Variants in SAMD4A observed in about 807,000 individuals in gnomAD.
SAMD4A encodes protein Smaug homolog 1.
A neutral mutation model predicts 81.3 loss-of-function variants in SAMD4A; 33 were observed. The ratio of observed to expected loss-of-function variants is 0.41; its 90% CI spans 0.31 to 0.54. The LOEUF (loss-of-function observed/expected upper bound fraction) is 0.54, where lower values mean the gene tolerates loss of function less well. Among genes scored for constraint, SAMD4A ranks in the 20% least tolerant of loss-of-function variants. SAMD4A has a pLI of 0.37. For missense variants in SAMD4A, 854 were observed against 951.1 expected, an observed-to-expected ratio of 0.90 and a Z score of 1.34; for synonymous variants, 389 against 382.1, an observed-to-expected ratio of 1.02 and a Z score of -0.21.
At chr14:54,649,596 C>T (rs921543201) in intron 2 of SAMD4A, among the ~76,000 whole-genome samples, 5 of 152,138 alleles carry the variant, frequency 3.3e-5, no homozygotes, top group Non-Finnish European at 7.3e-5. Context: ...ATGACTTTGT[C>T]GTGTCGCAAG....
At chr14:54,635,606 G>A (rs1446169830) in intron 2 of SAMD4A, among the ~76,000 whole-genome samples, 1 of 147,458 alleles carries the variant, frequency 6.8e-6, no homozygotes, top group Admixed American at 6.6e-5. Context: ...AAATTAGCTG[G>A]GTGTGGTGGC....
At chr14:54,647,591 GAATA>G (rs2035313483) in intron 2 of SAMD4A, among the ~76,000 whole-genome samples, 2 of 152,234 alleles carry the variant, frequency 1.3e-5, no homozygotes, top group South Asian at 4.1e-4. Context: ...CAGCTGAGCA[GAATA>G]AATATTTACT....
intron 3 of SAMD4A, among the ~76,000 whole-genome samples, chr14:54,716,236 A>T (rs2037114746): frequency 6.6e-6 from 1 of 152,152 alleles, no homozygotes; most frequent in Admixed American, 6.5e-5. Flanking sequence ...AAAAACAAAC[A>T]ACTTTTGCTA....
chr14:54,788,905 T>C lies in SAMD4A; in HGVS notation c.2129-11T>C. 6.2e-7 allele frequency: 1 copy of C among 1,614,194 alleles called. No homozygotes were observed. The highest frequency in any genetic ancestry group is 1.6e-4 in the Middle Eastern group (1 of 6,062). ...TCACCTGTGCCCATCGTTTGCTGCT[T>C]TCTCTCCCAGACGGGGTTGACCGGA... On this transcript the variant is annotated splice_polypyrimidine_tract_variant and intron_variant, in intron 12 of 12. Transcript: ENST00000554335.
intron 2 of SAMD4A, among the ~76,000 whole-genome samples, chr14:54,684,235 A>C (rs1325510401): frequency 6.6e-6 from 1 of 152,190 alleles, no homozygotes. Flanking sequence ...ATAAATATTT[A>C]CCGAGTTAGT....
At chr14:54,632,637 G>A (rs2034929681) in intron 2 of SAMD4A, among the ~76,000 whole-genome samples, 1 of 152,028 alleles carries the variant, frequency 6.6e-6, no homozygotes, top group African/African-American at 2.4e-5. Flanking sequence ...TGTATATAAT[G>A]CATCATTCCT....
intron 2 of SAMD4A, among the ~76,000 whole-genome samples, chr14:54,607,457 AT>A (rs541264095): frequency 0.023 from 3,146 of 138,276 alleles, 68 homozygotes; most frequent in African/African-American, 0.065. Flanking sequence ...TCAAGGTCTC[AT>A]TTTTTTTTTT....
rs142532488 is a variant in SAMD4A, at chr14:54,688,123, C to G, written c.197-13939C>G. 5.2e-4 allele frequency: 510 copies of G among 985,540 alleles called. 1 individual carries two copies. In the African/African-American group the frequency reaches 8.3e-3, roughly 16 times the overall value. 61.0% of individuals were successfully genotyped at this position (985,540 alleles called of 1,614,324 possible). A position where few individuals can be genotyped will look rare whatever the true frequency, so the allele number is the denominator to read the frequency against. ...TAACACCTGGTTCAACTGTAATGTG[C>G]TCAGCTCCGTATAACCTGGACAGCA... is the stretch of plus-strand genomic sequence containing the variant. On this transcript the variant is annotated intron_variant, in intron 2 of 12. Coordinates refer to ENST00000554335, the MANE Select transcript of SAMD4A (RefSeq NM_015589.6).
intron 3 of SAMD4A, among the ~76,000 whole-genome samples, chr14:54,708,692 G>A (rs567033283): frequency 2.0e-5 from 3 of 152,184 alleles, no homozygotes; most frequent in East Asian, 1.9e-4. Flanking sequence ...CAAAGCACAT[G>A]AAGAAAATGT....
intron 2 of SAMD4A, among the ~76,000 whole-genome samples, chr14:54,635,718 A>G (rs1486048487): frequency 6.6e-6 from 1 of 151,814 alleles, no homozygotes; most frequent in African/African-American, 2.4e-5. Context: ...ACTGCACTCC[A>G]GCGACAGAGC....
At chr14:54,576,202 C>T (rs775149989) in intron 2 of SAMD4A, among the ~76,000 whole-genome samples, 4 of 151,932 alleles carry the variant, frequency 2.6e-5, no homozygotes, top group Non-Finnish European at 2.9e-5. Flanking sequence ...AGAATCCAAG[C>T]GTCTGTGTGT....
intron 2 of SAMD4A, among the ~76,000 whole-genome samples, chr14:54,646,329 C>T (rs2035286061): frequency 6.6e-6 from 1 of 152,184 alleles, no homozygotes; most frequent in South Asian, 2.1e-4. Context: ...GTGGAAGCTG[C>T]CCCCAAACAG....
chr14:54,660,032 G>T (rs933579955), intron 2 of SAMD4A, among the ~76,000 whole-genome samples: 1 of 151,610 alleles, frequency 6.6e-6, no homozygotes, highest in Non-Finnish European at 1.5e-5. Flanking sequence ...AGTGAGCCGA[G>T]ATCGCCCCAC....
Position 54,576,001 on chromosome 14 carries a change from C to CTTTTTTTTTTTTTTTTTTT in SAMD4A, c.196+7908_196+7926dup, listed in dbSNP as rs57819180. On this transcript the variant is annotated intron_variant, in intron 2 of 12. Transcript: ENST00000554335. ...CCAGGAAAGATTTCTTTCTTTCTTT[C>CTTTTTTTTTTTTTTTTTTT]TTTTTTTTTTTTTTTTTTTTTTTTT... Among the ~76,000 whole-genome samples the CTTTTTTTTTTTTTTTTTTT allele has an allele frequency of 3.8e-5, 3 of 79,994 alleles. 1 individual carries two copies. The highest frequency in any genetic ancestry group is 3.2e-4 in the Admixed American group (2 of 6,184). The allele number at this position is 79,994 out of a possible 152,430, so 52.5% of individuals were successfully genotyped here.
chr14:54,666,370 G>T (rs1169540452), intron 2 of SAMD4A, among the ~76,000 whole-genome samples: 1 of 152,142 alleles, frequency 6.6e-6, no homozygotes, highest in South Asian at 2.1e-4. Context: ...ATACACCAGG[G>T]TATTGGCTCT....
chr14:54,605,213 T>C (rs1372115827), intron 2 of SAMD4A, among the ~76,000 whole-genome samples: 2 of 151,996 alleles, frequency 1.3e-5, no homozygotes, highest in Non-Finnish European at 2.9e-5. Context: ...CTTGAGTATC[T>C]GGTACAGAAG....
chr14:54,569,595 G>A (rs2033068595), intron 2 of SAMD4A, among the ~76,000 whole-genome samples: 1 of 152,172 alleles, frequency 6.6e-6, no homozygotes, highest in South Asian at 2.1e-4. Context: ...TCCTTCACTG[G>A]GGTGTGGAAG....
At chr14:54,725,823 C>T (rs531086978) in intron 3 of SAMD4A, among the ~76,000 whole-genome samples, 1 of 152,352 alleles carries the variant, frequency 6.6e-6, no homozygotes, top group South Asian at 2.1e-4. Flanking sequence ...GGCCACATGA[C>T]TTCCAACTCA....
intron 8 of SAMD4A, among the ~76,000 whole-genome samples, chr14:54,767,367 C>T (rs532515288): frequency 1.2e-4 from 18 of 152,226 alleles, no homozygotes; most frequent in African/African-American, 3.6e-4. Flanking sequence ...CCTTCCTTCC[C>T]GGGATGGAGG....
Sources: allele counts gnomAD v4.1 joint callset (sites outside exome capture counted in the v4.1 genomes callset), GRCh38; gene constraint gnomAD v4.1.1; transcripts MANE v1.5; gene names NCBI Gene and HGNC (gene_info 2026-07-23, HGNC 2026-07-21).